MBD5: variants seen among roughly 807,000 people sequenced by gnomAD.
MBD5 encodes methyl-CpG-binding domain protein 5.
MBD5 carries 13 observed loss-of-function variants against 117.3 expected under a neutral mutation model. The observed-to-expected ratio is 0.11, with a 90% CI of 0.07 to 0.18. The LOEUF (loss-of-function observed/expected upper bound fraction) is 0.18, where lower values mean the gene tolerates loss of function less well. MBD5 is among the 10% of genes least tolerant of loss of function. The pLI is 1.00. For synonymous variants in MBD5, 727 were observed against 766.4 expected (o/e 0.95, Z 0.85); for missense variants, 1,879 against 2,093.8 (o/e 0.90, Z 2.00).
At chr2:148,461,910 A>G (rs1416080857) in intron 5 of MBD5, among the ~76,000 whole-genome samples, 13 of 152,190 alleles carry the variant, frequency 8.5e-5, no homozygotes. Context: ...CTGCTGCCTA[A>G]AACCCTATTT....
intron 3 of MBD5, among the ~76,000 whole-genome samples, chr2:148,290,694 T>A (rs1362800114): frequency 6.6e-6 from 1 of 152,202 alleles, no homozygotes; most frequent in African/African-American, 2.4e-5. Flanking sequence ...TATCAGTAAT[T>A]TTTTCATTTC....
chr2:148,055,418 C>CTTTTTTTTTTTTTTTTTTTTT (rs56877252), intron 1 of MBD5: 1 of 140,918 alleles, frequency 7.1e-6, no homozygotes, highest in African/African-American at 2.6e-5. Context: ...ATAGGTTTTT[C>CTTTTTTTTTTTTTTTTTTTTT]TTTTTTTTTT....
chr2:148,147,386 C>G (rs1697494489), intron 1 of MBD5, among the ~76,000 whole-genome samples: 1 of 151,480 alleles, frequency 6.6e-6, no homozygotes, highest in Non-Finnish European at 1.5e-5. Context: ...GGACTACAAG[C>G]ATGCACCACC....
chr2:148,059,252 T>C (rs1198192004), intron 1 of MBD5, among the ~76,000 whole-genome samples: 1 of 152,124 alleles, frequency 6.6e-6, no homozygotes, highest in Non-Finnish European at 1.5e-5. Flanking sequence ...TTTTTTAATA[T>C]GAAAATATTT....
At position 148,458,397 on chromosome 2, in the gene MBD5, C is replaced by A; in HGVS notation, c.-362C>A. 1 of 526,380 alleles carries A rather than the reference C, an allele frequency of 1.9e-6. No homozygotes were observed. The highest frequency in any genetic ancestry group is 3.3e-6 in the Non-Finnish European group (1 of 298,984). 32.6% of individuals were successfully genotyped at this position (526,380 alleles called of 1,614,324 possible). On this transcript the variant is annotated 5_prime_UTR_variant, in exon 5 of 14. Transcript: ENST00000642680. ...AATAGAGATTGTCTTAGTACAACAT[C>A]AAGGTTCAAGACAAATGTTGAACTA...
At chr2:148,340,137 G>A (rs1476970265) in intron 3 of MBD5, among the ~76,000 whole-genome samples, 2 of 152,086 alleles carry the variant, frequency 1.3e-5, no homozygotes, top group East Asian at 1.9e-4. Flanking sequence ...ACAAACTTTA[G>A]TCCTTAGGAC....
intron 8 of MBD5, among the ~76,000 whole-genome samples, chr2:148,476,751 T>C (rs566646501): frequency 2.6e-5 from 4 of 152,336 alleles, no homozygotes; most frequent in East Asian, 1.9e-4. Context: ...GGCACTGTTT[T>C]AGCACTGCAG....
At chr2:148,323,860 G>A (rs1223826967) in intron 3 of MBD5, among the ~76,000 whole-genome samples, 1 of 152,136 alleles carries the variant, frequency 6.6e-6, no homozygotes. Flanking sequence ...GATCCCATTT[G>A]TCAATTTTGG....
At chr2:148,484,845 C>T (rs1681285556) in intron 9 of MBD5, among the ~76,000 whole-genome samples, 1 of 152,016 alleles carries the variant, frequency 6.6e-6, no homozygotes, top group African/African-American at 2.4e-5. Context: ...GGATGGTGTC[C>T]ATAAAGTCTA....
chr2:148,174,824 G>A lies in MBD5; in HGVS notation c.-924-3876G>A, dbSNP rs546110771. Among the ~76,000 whole-genome samples, 3 of 151,996 alleles carry A rather than the reference G, an allele frequency of 2.0e-5. No homozygotes were observed. In the South Asian group the frequency reaches 6.2e-4, roughly 32 times the overall value. ...AAAGATAACAAATGTTGATGACGAT[G>A]TAAAGAAAAGGAAAACTTTGTACAC... On this transcript the variant is annotated intron_variant, in intron 1 of 13. Transcript: ENST00000642680.
chr2:148,179,703 C>T (rs1303936616), intron 2 of MBD5, among the ~76,000 whole-genome samples: 1 of 152,086 alleles, frequency 6.6e-6, no homozygotes, highest in East Asian at 1.9e-4. Flanking sequence ...TTTCTGAGCA[C>T]ATTTTGTTAA....
chr2:148,076,993 A>C (rs577977954), intron 1 of MBD5, among the ~76,000 whole-genome samples: 15 of 152,376 alleles, frequency 9.8e-5, no homozygotes, highest in African/African-American at 3.6e-4. Flanking sequence ...TTAAAGGGTC[A>C]GGAAAAGAAA....
At chr2:148,210,374 AC>A (rs1268318493) in intron 2 of MBD5, among the ~76,000 whole-genome samples, 1 of 152,092 alleles carries the variant, frequency 6.6e-6, no homozygotes, top group Non-Finnish European at 1.5e-5. Flanking sequence ...CCTCAAACAT[AC>A]CTCATTTATT....
chr2:148,184,878 CA>C (rs1352956537), intron 2 of MBD5, among the ~76,000 whole-genome samples: 8 of 152,168 alleles, frequency 5.3e-5, no homozygotes, highest in African/African-American at 1.7e-4. Flanking sequence ...AATGACACCT[CA>C]GATCTCTGCT....
chr2:148,338,473 A>G (rs942006922), intron 3 of MBD5, among the ~76,000 whole-genome samples: 4 of 152,176 alleles, frequency 2.6e-5, no homozygotes, highest in Non-Finnish European at 5.9e-5. Flanking sequence ...TGTACATAAT[A>G]ATCAGTAAAA....
chr2:148,050,192 C>G (rs1694656238), intron 1 of MBD5, among the ~76,000 whole-genome samples: 1 of 152,018 alleles, frequency 6.6e-6, no homozygotes, highest in South Asian at 2.1e-4. Context: ...GCTTCCTTAC[C>G]AACACTTGTT....
At chr2:148,104,246 T>G (rs973994309) in intron 1 of MBD5, among the ~76,000 whole-genome samples, 2 of 152,150 alleles carry the variant, frequency 1.3e-5, no homozygotes, top group Non-Finnish European at 2.9e-5. Context: ...CTTGTATCCT[T>G]AGCAGCTAAT....
At chr2:148,397,750 C>T (rs1374372917) in intron 4 of MBD5, among the ~76,000 whole-genome samples, 2 of 151,994 alleles carry the variant, frequency 1.3e-5, no homozygotes, top group Non-Finnish European at 2.9e-5. Context: ...GTGCTGCACC[C>T]GTTAACTCCT....
At chr2:148,389,034 T>A (rs965378140) in intron 4 of MBD5, among the ~76,000 whole-genome samples, 5 of 151,184 alleles carry the variant, frequency 3.3e-5, no homozygotes, top group Non-Finnish European at 5.9e-5. Context: ...CATCTTTATG[T>A]CCCATTGTTG....
Sources: gnomAD v4.1 joint callset for allele counts (sites outside exome capture counted in the v4.1 genomes callset) on GRCh38, gnomAD v4.1.1 for gene constraint, MANE v1.5 for transcripts, NCBI Gene and HGNC (gene_info 2026-07-23, HGNC 2026-07-21) for gene names.